The following ROS1 variants were observed in gnomAD, a reference collection of about 807,000 sequenced individuals.
ROS1 encodes the protein proto-oncogene tyrosine-protein kinase ROS.
ROS1 carries 263 observed loss-of-function variants against 273.5 expected under a neutral mutation model. That is an observed-to-expected ratio of 0.96 (90% CI 0.87 to 1.06). ROS1 has a LOEUF of 1.06. ROS1 is among the 50% of genes least tolerant of loss of function. The probability of loss-of-function intolerance (pLI) is 0.00; values close to 1 mark genes in which losing one functional copy is unlikely to be tolerated. For synonymous variants in ROS1, 1,008 were observed against 954.1 expected (o/e 1.06, Z -1.04); for missense variants, 2,833 against 2,751.1 (o/e 1.03, Z -0.67).
chr6:117,288,703 G>T lies in ROS1; in HGVS notation c.6815C>A (p.Ala2272Asp), dbSNP rs958426252. The T allele has an allele frequency of 6.2e-7, 1 of 1,614,016 alleles. No homozygotes were observed. The highest frequency in any genetic ancestry group is 2.2e-5 in the East Asian group (1 of 44,872). Residue 2272 changes from alanine (A) to aspartate (D), a missense_variant, in exon 44 of 44, where the codon GCT (alanine) becomes GAT (aspartate). Ala to Asp is a moderately radical substitution (Grantham distance 126, BLOSUM62 -2). Transcript: ENST00000368507. ...NREGLNYMVLATECGQGEEKS... is the reference protein window; with the variant it reads ...NREGLNYMVLDTECGQGEEKS... ...TTCTTCACCTTGGCCACATTCTGTAGCAAGTACCATATAGTTTAACCCTTC... is the reference window on the plus strand; with the variant it reads ...TTCTTCACCTTGGCCACATTCTGTATCAAGTACCATATAGTTTAACCCTTC...
chr6:117,422,043 CAG>C (rs1775796167), intron 1 of ROS1, among the ~76,000 whole-genome samples: 1 of 152,148 alleles, frequency 6.6e-6, no homozygotes, highest in African/African-American at 2.4e-5. Flanking sequence ...TTCTTAGAAA[CAG>C]AGTCACCCAG....
At chr6:117,300,502 C>T (rs1362970312) in intron 43 of ROS1, among the ~76,000 whole-genome samples, 1 of 151,854 alleles carries the variant, frequency 6.6e-6, no homozygotes, top group African/African-American at 2.4e-5. Flanking sequence ...ACACTAAAGA[C>T]GTTAGAATAG....
chr6:117,329,281 ATCT>A, intron 33 of ROS1, 45 bp downstream of exon 33: 1 of 841,946 alleles, frequency 1.2e-6, no homozygotes, highest in Non-Finnish European at 2.0e-6. Flanking sequence ...CTTTATAATT[ATCT>A]TCTTAGTTCT....
chr6:117,352,621 A>G (rs908540656), intron 27 of ROS1, among the ~76,000 whole-genome samples: 3 of 152,232 alleles, frequency 2.0e-5, no homozygotes, highest in Non-Finnish European at 4.4e-5. Context: ...TGTTACCTTG[A>G]AAACAAGGTT....
chr6:117,371,136 C>G (rs950366591), intron 18 of ROS1, among the ~76,000 whole-genome samples: 1 of 152,170 alleles, frequency 6.6e-6, no homozygotes. Context: ...AGACTCACAT[C>G]ATGAACTTTT....
intron 42 of ROS1, among the ~76,000 whole-genome samples, chr6:117,303,687 G>A (rs556819198): frequency 2.2e-4 from 33 of 152,142 alleles, no homozygotes; most frequent in South Asian, 8.3e-4. Flanking sequence ...ATTTTTAAGC[G>A]GACATAATCT....
chr6:117,307,994 G>C (rs986804621), intron 42 of ROS1, among the ~76,000 whole-genome samples: 5 of 152,024 alleles, frequency 3.3e-5, no homozygotes, highest in African/African-American at 1.2e-4. Context: ...CTGTGTCCCT[G>C]GTTTAAACAC....
intron 18 of ROS1, among the ~76,000 whole-genome samples, chr6:117,376,081 G>T (rs537157044): frequency 4.7e-4 from 71 of 151,586 alleles, no homozygotes; most frequent in African/African-American, 1.7e-3. Context: ...TGGACAATCA[G>T]AAAAAAATCA....
chr6:117,313,738 G>A (rs1194763243), intron 39 of ROS1, among the ~76,000 whole-genome samples: 1 of 152,146 alleles, frequency 6.6e-6, no homozygotes, highest in Non-Finnish European at 1.5e-5. Flanking sequence ...CTTGAATGCA[G>A]GGAGAAAGAG....
At position 117,288,372 on chromosome 6, in the gene ROS1, G is replaced by A. The variant is rs1407137823; in HGVS notation, c.*120C>T. Reference sequence around the variant, plus strand: ...AGAACCAAGATTAGAAATCAGGAACGTTGCATTGTTTATTTGGAGTTATAG... The same window carrying A: ...AGAACCAAGATTAGAAATCAGGAACATTGCATTGTTTATTTGGAGTTATAG... On this transcript the variant is annotated 3_prime_UTR_variant, in exon 44 of 44. Coordinates refer to ENST00000368507, the MANE Select transcript of ROS1 (RefSeq NM_001378902.1). 2.8e-5 allele frequency: 26 copies of A among 933,030 alleles called. No homozygotes were observed. The highest frequency in any genetic ancestry group is 1.7e-4 in the South Asian group (10 of 57,738). 57.8% of individuals were successfully genotyped at this position (933,030 alleles called of 1,614,324 possible). A position where few individuals can be genotyped will look rare whatever the true frequency, so the allele number is the denominator to read the frequency against.
intron 5 of ROS1, among the ~76,000 whole-genome samples, chr6:117,407,603 A>G (rs1266979928): frequency 6.6e-6 from 1 of 152,162 alleles, no homozygotes; most frequent in Non-Finnish European, 1.5e-5. Context: ...CATTCAATAC[A>G]ATATGCCTAT....
chr6:117,419,299 T>A (rs903030410), intron 1 of ROS1, among the ~76,000 whole-genome samples: 7 of 152,182 alleles, frequency 4.6e-5, no homozygotes, highest in African/African-American at 1.4e-4. Context: ...TAATTCAAAG[T>A]GGTTTCCCAT....
chr6:117,338,328 A>G (rs1777627799), intron 31 of ROS1, among the ~76,000 whole-genome samples: 1 of 152,058 alleles, frequency 6.6e-6, no homozygotes, highest in African/African-American at 2.4e-5. Context: ...CAGTCAGTAG[A>G]CCACTATGTA....
Position 117,382,144 on chromosome 6 carries a change from C to CA in ROS1, c.2481+1172dup, listed in dbSNP as rs201415858. On this transcript the variant is annotated intron_variant, in intron 17 of 43. Coordinates refer to ENST00000368507, the MANE Select transcript of ROS1 (RefSeq NM_001378902.1). ...CCTAACAATTATATTTTTTGAAAAA[C>CA]AAAAAAAAATGCTTTCTTTGTATTC... is the stretch of plus-strand genomic sequence containing the variant. Among the ~76,000 whole-genome samples the CA allele has an allele frequency of 3.2e-4, 47 of 149,130 alleles. 1 individual carries two copies. Among genetic ancestry groups the CA allele is most frequent in the East Asian group, 1.4e-3 (7 of 5,144 alleles).
chr6:117,410,469 C>T (rs2092349591), intron 4 of ROS1, among the ~76,000 whole-genome samples: 1 of 152,072 alleles, frequency 6.6e-6, no homozygotes. Flanking sequence ...TCTATGAAAA[C>T]TTAATGATAT....
intron 2 of ROS1, among the ~76,000 whole-genome samples, chr6:117,416,620 A>C (rs772092358): frequency 6.6e-6 from 1 of 152,124 alleles, no homozygotes; most frequent in Admixed American, 6.5e-5. Context: ...GACACCGTAC[A>C]CTGGGTAGTT....
chr6:117,399,183 C>G (rs976148630), intron 7 of ROS1, among the ~76,000 whole-genome samples: 23 of 152,142 alleles, frequency 1.5e-4, no homozygotes, highest in African/African-American at 5.3e-4. Context: ...GCTTGCTTAT[C>G]CAGGAGAAAG....
At chr6:117,397,231 A>G in intron 7 of ROS1, 115 bp from the exon 8 acceptor site, 1 of 686,854 alleles carries the variant, frequency 1.5e-6, no homozygotes, top group Non-Finnish European at 2.5e-6. Flanking sequence ...AAACGAAATA[A>G]TTTTATTAAT....
intron 4 of ROS1, among the ~76,000 whole-genome samples, chr6:117,413,860 A>G (rs1422759004): frequency 1.3e-5 from 2 of 152,152 alleles, no homozygotes; most frequent in African/African-American, 2.4e-5. Context: ...ACATGCCTGT[A>G]GCCCCAGCTA....
Sources: allele counts gnomAD v4.1 joint callset (sites outside exome capture counted in the v4.1 genomes callset), GRCh38; gene constraint gnomAD v4.1.1; transcripts MANE v1.5; gene names NCBI Gene and HGNC (gene_info 2026-07-23, HGNC 2026-07-21).